DNAJC9: variants seen among roughly 807,000 people sequenced by gnomAD.
The protein encoded by DNAJC9 is dnaJ homolog subfamily C member 9.
In DNAJC9, 18 loss-of-function variants were observed where a neutral mutation model predicts 32.4. That is an observed-to-expected ratio of 0.56 (90% CI 0.38 to 0.82). The LOEUF (loss-of-function observed/expected upper bound fraction) is 0.82. DNAJC9 is among the 40% of genes least tolerant of loss of function. The probability of loss-of-function intolerance (pLI) is 0.00; values close to 1 mark genes in which losing one functional copy is unlikely to be tolerated. For missense variants in DNAJC9, 310 were observed against 321.8 expected, an observed-to-expected ratio of 0.96 and a Z score of 0.28; for synonymous variants, 113 against 122.1, an observed-to-expected ratio of 0.93 and a Z score of 0.49.
downstream of DNAJC9, among the ~76,000 whole-genome samples, chr10:73,240,016 C>T (rs140534893): frequency 7.2e-5 from 11 of 152,252 alleles, no homozygotes; most frequent in South Asian, 6.2e-4. Context: ...CCTCGAACTC[C>T]GGGGCTCAAG....
downstream of DNAJC9, chr10:73,234,855 C>T (rs749780762): frequency 8.9e-5 from 138 of 1,551,608 alleles, no homozygotes; most frequent in African/African-American, 1.6e-4. Context: ...CCCTCACCGA[C>T]GCCCCTGAGT....
chr10:73,245,130 C>T (rs986034612), intron 3 of DNAJC9, among the ~76,000 whole-genome samples: 1 of 152,120 alleles, frequency 6.6e-6, no homozygotes, highest in African/African-American at 2.4e-5. Flanking sequence ...TCCCCTCAAG[C>T]TCACCAGAAA....
downstream of DNAJC9, among the ~76,000 whole-genome samples, chr10:73,235,703 T>TA (rs2133411000): frequency 6.6e-6 from 1 of 152,252 alleles, no homozygotes; most frequent in African/African-American, 2.4e-5. Context: ...GGGACTTTAA[T>TA]AAAAAATTTT....
At position 73,247,164 on chromosome 10, in the gene DNAJC9, T is replaced by G. The variant is rs1472710957; in HGVS notation, c.26A>C (p.Glu9Ala). The change falls in exon 1 of 5, where the codon GAA (glutamate) becomes GCA (alanine). Residue 9 changes from glutamate to alanine, a missense_variant. Transcript: ENST00000372950. The stretch of plus-strand genomic sequence containing the variant: ...GTAAAGGTCGGCGGTGCCGAACACT[T>G]CCTCGCAAAGGTCCAGCAGCCCCAT... MGLLDLCEEVFGTADLYRV... is the reference protein window; with the variant it reads MGLLDLCEAVFGTADLYRV... The G allele has an allele frequency of 6.3e-7, 1 of 1,597,082 alleles. No homozygotes were observed. Among genetic ancestry groups the G allele is most frequent in the Admixed American group, 1.7e-5 (1 of 58,168 alleles).
chr10:73,235,466 A>T (rs573314656), downstream of DNAJC9: 14 of 1,438,152 alleles, frequency 9.7e-6, no homozygotes, highest in African/African-American at 1.7e-4. Flanking sequence ...TTATAAATAC[A>T]TTTTGTTCAA....
chr10:73,241,645 A>C (rs773863174), downstream of DNAJC9: 3 of 152,548 alleles, frequency 2.0e-5, no homozygotes, highest in Non-Finnish European at 4.4e-5. Flanking sequence ...AGGACAGCTC[A>C]ACCTTACGAT....
At chr10:73,235,415 TTA>T, downstream of DNAJC9, 1 of 1,492,766 alleles carries the variant, frequency 6.7e-7, no homozygotes, top group Non-Finnish European at 8.9e-7. Flanking sequence ...ATCTAGAGGC[TTA>T]ACCCAGAATA....
chr10:73,246,287 G>C, intron 2 of DNAJC9, 111 bp from the exon 3 acceptor site: 2 of 1,228,162 alleles, frequency 1.6e-6, no homozygotes, highest in Non-Finnish European at 2.3e-6. Context: ...AGTTGCTTGA[G>C]TTGAAATTAT....
downstream of DNAJC9, among the ~76,000 whole-genome samples, chr10:73,240,091 TTTA>T: frequency 6.6e-6 from 1 of 152,280 alleles, no homozygotes; most frequent in East Asian, 1.9e-4. Flanking sequence ...GCCCAGGTAA[TTTA>T]TTTTTTGTAG....
downstream of DNAJC9, among the ~76,000 whole-genome samples, chr10:73,237,433 T>C (rs77261272): frequency 6.6e-6 from 1 of 152,148 alleles, no homozygotes; most frequent in Non-Finnish European, 1.5e-5. Flanking sequence ...TTTTTTTTTT[T>C]TGAGACGGAG....
At chr10:73,234,193 A>G (rs1394898777), downstream of DNAJC9, 2 of 152,630 alleles carry the variant, frequency 1.3e-5, no homozygotes, top group Non-Finnish European at 2.9e-5. Context: ...ATGTGGATGT[A>G]GCTATATCTA....
chr10:73,247,085 GT>G lies in DNAJC9; in HGVS notation c.104del (p.Tyr35SerfsTer76). Reference protein sequence around the residue: ...EASDGEVRRGYHKVSLQVHPD... With the variant: ...EASDGEVRRGXHKVSLQVHPD... ...GGTGTACCTGCAGGGACACCTTGTG[GT>G]AGCCTCGTCGGACCTCGCCGTCGGA... On this transcript the variant is annotated frameshift_variant, in exon 1 of 5. Transcript: ENST00000372950. LOFTEE classifies it high-confidence loss of function. 6.3e-7 allele frequency: 1 copy of G among 1,595,430 alleles called. No homozygotes were observed. Among genetic ancestry groups the G allele is most frequent in the East Asian group, 2.3e-5 (1 of 43,680 alleles).
In DNAJC9 at chr10:73,246,818, T is replaced by G. The variant is rs764692746; in HGVS notation, c.191A>C (p.Lys64Thr). Residue 64 changes from lysine (K) to threonine (T), a missense_variant, in exon 2 of 5, where the codon AAA becomes ACA. Physicochemically the swap from Lys to Thr is moderately conservative, Grantham distance 78 (BLOSUM62 -1). Coordinates refer to ENST00000372950, the MANE Select transcript of DNAJC9 (RefSeq NM_015190.5). ...TCTGTCACTGAGAACGGAATAGACT[T>G]TTCCCAGGATCTGAGGGCAAAGAGT... ...DATRRFQILG[K>T]VYSVLSDREQ... The G allele has an allele frequency of 6.2e-7, 1 of 1,614,048 alleles. No individual in the cohort carries two copies. The highest frequency in any genetic ancestry group is 8.5e-7 in the Non-Finnish European group (1 of 1,180,006).
intron 2 of DNAJC9, chr10:73,232,861 G>A: frequency 1.2e-6 from 1 of 864,886 alleles, no homozygotes; most frequent in Non-Finnish European, 1.9e-6. Flanking sequence ...TCTAGTCTAA[G>A]GCTTTTTACC....
At chr10:73,241,351 G>A, downstream of DNAJC9, 1 of 302,360 alleles carries the variant, frequency 3.3e-6, no homozygotes, top group Non-Finnish European at 6.4e-6. Context: ...TATAGGATTT[G>A]ATGAGCTCAC....
downstream of DNAJC9, chr10:73,235,324 G>C (rs1564717186): frequency 6.4e-7 from 1 of 1,551,888 alleles, no homozygotes; most frequent in Admixed American, 2.0e-5. Flanking sequence ...TTTTGGTAGA[G>C]TGACGTACTT....
chr10:73,239,145 A>G, downstream of DNAJC9: 1 of 551,270 alleles, frequency 1.8e-6, no homozygotes, highest in South Asian at 2.6e-5. Context: ...CTGGCTTGGG[A>G]TTTTCTACTT....
chr10:73,234,806 G>A, downstream of DNAJC9: 1 of 1,550,864 alleles, frequency 6.4e-7, no homozygotes. Flanking sequence ...GTTTGTTGGT[G>A]GGATCTGCAG....
rs1479422584 is a variant in DNAJC9, at chr10:73,247,023, G to T, written c.167C>A (p.Thr56Asn). The T allele has an allele frequency of 6.6e-7, 1 of 1,526,576 alleles. No homozygotes were observed. The allele number at this position is 1,526,576 out of a possible 1,614,324, so 94.6% of individuals were successfully genotyped here. The change falls in exon 1 of 5, where the codon ACC (threonine) becomes AAC (asparagine). Residue 56 changes from threonine (T) to asparagine (N), a missense_variant. Coordinates refer to ENST00000372950, the MANE Select transcript of DNAJC9 (RefSeq NM_015190.5). ...RVGEGDKEDA[T>N]RRFQILGKVY... ...GACCCTGCATACCTGGAAGCGGCGG[G>T]TGGCGTCCTCCTTGTCGCCCTCACC...
Sources: allele counts gnomAD v4.1 joint callset (sites outside exome capture counted in the v4.1 genomes callset), GRCh38; gene constraint gnomAD v4.1.1; transcripts MANE v1.5; gene names NCBI Gene and HGNC (gene_info 2026-07-23, HGNC 2026-07-21).